Variants in OCIAD1 observed in about 807,000 individuals in gnomAD.
OCIAD1 encodes the protein OCIA domain-containing protein 1.
Under a neutral mutation model 38.9 loss-of-function variants are expected in OCIAD1, and 29 were observed. The ratio of observed to expected loss-of-function variants is 0.74; its 90% confidence interval spans 0.55 to 1.02. OCIAD1 has a LOEUF of 1.02. OCIAD1 is among the 50% of genes least tolerant of loss of function. The pLI is 0.00. For missense variants in OCIAD1, 288 were observed against 289.6 expected, an observed-to-expected ratio of 0.99 and a Z score of 0.04; for synonymous variants, 110 against 92.0, an observed-to-expected ratio of 1.20 and a Z score of -1.12.
intron 3 of OCIAD1, among the ~76,000 whole-genome samples, chr4:48,834,573 C>G (rs920513348): frequency 6.6e-6 from 1 of 152,038 alleles, no homozygotes; most frequent in Non-Finnish European, 1.5e-5. Context: ...AGTTCAAGAC[C>G]AGCGTGGGCA....
chr4:48,854,508 C>T (rs2109608520), intron 7 of OCIAD1, among the ~76,000 whole-genome samples: 1 of 152,328 alleles, frequency 6.6e-6, no homozygotes, highest in East Asian at 1.9e-4. Flanking sequence ...CTAACTCTTT[C>T]CTTGTGATGA....
At chr4:48,838,248 G>A (rs1205821578) in intron 3 of OCIAD1, among the ~76,000 whole-genome samples, 2 of 151,596 alleles carry the variant, frequency 1.3e-5, no homozygotes, top group Admixed American at 1.3e-4. Context: ...AACCCGGGAG[G>A]CAGAGGTTGC....
intron 4 of OCIAD1, among the ~76,000 whole-genome samples, chr4:48,843,690 A>G (rs1317667948): frequency 6.6e-6 from 1 of 152,178 alleles, no homozygotes; most frequent in East Asian, 1.9e-4. Context: ...ATAGACTGAG[A>G]TTGGTTCTGT....
chr4:48,856,192 T>A, intron 7 of OCIAD1: 1 of 152,162 alleles, frequency 6.6e-6, no homozygotes, highest in South Asian at 2.1e-4. Flanking sequence ...TATATTTACA[T>A]TTGACTCTAT....
chr4:48,822,150 C>A (rs1208899776), intron 1 of OCIAD1, among the ~76,000 whole-genome samples: 1 of 152,192 alleles, frequency 6.6e-6, no homozygotes, highest in African/African-American at 2.4e-5. Context: ...AACTATACTA[C>A]AAGGCTACAG....
At position 48,851,963 on chromosome 4, in the gene OCIAD1, C is replaced by G; in HGVS notation, c.535C>G (p.His179Asp). The part of the protein sequence containing the change: ...NESAPTGITD[H>D]IVQGPDPNLE... ...ATCTGCTCCCACTGGTATTACTGAT[C>G]ATATTGTCCAAGGTAGAAACTTCTC... Residue 179 changes from histidine to aspartate, a missense_variant, in exon 7 of 9, where the codon CAT becomes GAT. His to Asp is a moderately conservative substitution (Grantham distance 81, BLOSUM62 -1). Transcript: ENST00000264312. 6.2e-7 allele frequency: 1 copy of G among 1,605,564 alleles called. No individual in the cohort carries two copies. The highest frequency in any genetic ancestry group is 8.5e-7 in the Non-Finnish European group (1 of 1,174,870).
At chr4:48,827,714 G>T (rs1777264181), upstream of OCIAD1, among the ~76,000 whole-genome samples, 1 of 152,238 alleles carries the variant, frequency 6.6e-6, no homozygotes, top group African/African-American at 2.4e-5. Flanking sequence ...TAATTGCTGA[G>T]AAATTAGGGG....
upstream of OCIAD1, among the ~76,000 whole-genome samples, chr4:48,829,310 G>A (rs141344590): frequency 7.7e-3 from 1,165 of 151,062 alleles, 10 homozygotes; most frequent in Non-Finnish European, 0.014. Flanking sequence ...TCACCACCTA[G>A]AATGTCTTCT....
chr4:48,860,519 T>C (rs2109640468), intron 8 of OCIAD1, among the ~76,000 whole-genome samples: 1 of 152,302 alleles, frequency 6.6e-6, no homozygotes, highest in East Asian at 1.9e-4. Context: ...ACTAACTATT[T>C]ATGTAAAATT....
chr4:48,835,547 CT>C (rs1225261555), intron 3 of OCIAD1, among the ~76,000 whole-genome samples: 1 of 152,086 alleles, frequency 6.6e-6, no homozygotes, highest in East Asian at 1.9e-4. Flanking sequence ...TATAATAGTA[CT>C]GTAGGCCAGG....
intron 3 of OCIAD1, among the ~76,000 whole-genome samples, chr4:48,840,244 G>T (rs1275778573): frequency 1.3e-5 from 2 of 152,186 alleles, no homozygotes; most frequent in African/African-American, 4.8e-5. Flanking sequence ...TTGTAGAAAT[G>T]GCCAGCTAAC....
intron 1 of OCIAD1, among the ~76,000 whole-genome samples, chr4:48,815,013 T>C (rs1301009460): frequency 1.3e-5 from 2 of 152,220 alleles, no homozygotes; most frequent in African/African-American, 4.8e-5. Context: ...TGAAGTCCTC[T>C]TAAACCATTT....
At chr4:48,813,514 C>T (rs1035768643) in intron 1 of OCIAD1, among the ~76,000 whole-genome samples, 20 of 152,024 alleles carry the variant, frequency 1.3e-4, no homozygotes, top group Admixed American at 8.5e-4. Flanking sequence ...ATTAGTTGGG[C>T]GTAGTGGCAT....
chr4:48,815,815 T>C (rs1777137708), intron 1 of OCIAD1, among the ~76,000 whole-genome samples: 1 of 152,220 alleles, frequency 6.6e-6, no homozygotes, highest in East Asian at 1.9e-4. Flanking sequence ...GGCCAAGGCA[T>C]AAATTCATTG....
At chr4:48,811,029 G>A (rs1209226170) in intron 1 of OCIAD1, among the ~76,000 whole-genome samples, 1 of 149,996 alleles carries the variant, frequency 6.7e-6, no homozygotes, top group Non-Finnish European at 1.5e-5. Flanking sequence ...CTAATTTTTT[G>A]TGTTTTTAAT....
At chr4:48,849,424 GT>G (rs1244503601) in intron 5 of OCIAD1, among the ~76,000 whole-genome samples, 6 of 152,142 alleles carry the variant, frequency 3.9e-5, no homozygotes, top group Non-Finnish European at 8.8e-5. Context: ...ATGTGATGCA[GT>G]AAGTGCCACG....
chr4:48,848,472 T>C (rs1179871797), intron 5 of OCIAD1, 26 bp downstream of exon 5: 4 of 1,184,404 alleles, frequency 3.4e-6, no homozygotes, highest in African/African-American at 1.6e-5. Flanking sequence ...ATTGTAGTTT[T>C]CATAGCTTTT....
At chr4:48,816,328 T>C (rs1777142365) in intron 1 of OCIAD1, among the ~76,000 whole-genome samples, 1 of 152,194 alleles carries the variant, frequency 6.6e-6, no homozygotes, top group South Asian at 2.1e-4. Flanking sequence ...TATATGCTAA[T>C]GGCAATTAAA....
intron 6 of OCIAD1, among the ~76,000 whole-genome samples, chr4:48,850,658 C>T (rs1022714310): frequency 6.6e-6 from 1 of 152,204 alleles, no homozygotes; most frequent in Non-Finnish European, 1.5e-5. Context: ...ACTGCAACCT[C>T]TGCCTCCTGG....
Sources: gnomAD v4.1 joint callset for allele counts (sites outside exome capture counted in the v4.1 genomes callset) on GRCh38, gnomAD v4.1.1 for gene constraint, MANE v1.5 for transcripts, NCBI Gene and HGNC (gene_info 2026-07-23, HGNC 2026-07-21) for gene names.